ATOH8: variants seen among roughly 807,000 people sequenced by gnomAD.
ATOH8 encodes atonal bHLH transcription factor 8.
ATOH8 carries 9 observed loss-of-function variants against 21.2 expected under a neutral mutation model. The observed-to-expected ratio is 0.42, with a 90% CI of 0.26 to 0.74. The LOEUF (loss-of-function observed/expected upper bound fraction) is 0.74. Ranked by LOEUF, ATOH8 falls within the 30% of genes least tolerant of loss-of-function variation. The pLI is 0.24. For synonymous variants in ATOH8, 253 were observed against 224.0 expected (o/e 1.13, Z -1.16); for missense variants, 524 against 470.9 (o/e 1.11, Z -1.04).
chr2:85,758,784 C>T (rs546613631), intron 1 of ATOH8, among the ~76,000 whole-genome samples: 2 of 152,222 alleles, frequency 1.3e-5, no homozygotes, highest in Non-Finnish European at 2.9e-5. Flanking sequence ...CCCTCCCTGC[C>T]GCCTCATGTG....
intron 2 of ATOH8, 23 bp from the exon 3 acceptor site, chr2:85,786,862 T>C (rs1248482935): frequency 1.2e-6 from 2 of 1,613,804 alleles, no homozygotes. Flanking sequence ...GGGCAGCTTT[T>C]AATGGCTGGT....
At chr2:85,755,522 T>C (rs1679663557) in intron 1 of ATOH8, among the ~76,000 whole-genome samples, 1 of 152,134 alleles carries the variant, frequency 6.6e-6, no homozygotes, top group Non-Finnish European at 1.5e-5. Flanking sequence ...AGGGGTGGGC[T>C]CAGGAATCGG....
At chr2:85,775,190 T>G in intron 2 of ATOH8, 1 of 979,882 alleles carries the variant, frequency 1.0e-6, no homozygotes, top group Non-Finnish European at 1.2e-6. Context: ...AGTGTTGGAT[T>G]AAATGCCTGT....
chr2:85,775,953 T>G (rs1267082671), intron 2 of ATOH8, among the ~76,000 whole-genome samples: 1 of 152,174 alleles, frequency 6.6e-6, no homozygotes, highest in Non-Finnish European at 1.5e-5. Flanking sequence ...ACAAATTGGG[T>G]GTCACCAGCC....
intron 2 of ATOH8, chr2:85,780,920 C>A (rs568167522): frequency 8.1e-6 from 8 of 986,622 alleles, no homozygotes; most frequent in Admixed American, 1.2e-4. Context: ...CCAGGCCAGG[C>A]AGGCAGGAGG....
At chr2:85,758,823 C>T (rs965592866) in intron 1 of ATOH8, among the ~76,000 whole-genome samples, 8 of 152,208 alleles carry the variant, frequency 5.3e-5, no homozygotes, top group African/African-American at 1.9e-4. Flanking sequence ...CTGGCCTGGC[C>T]CCGGGAGTGG....
intron 2 of ATOH8, among the ~76,000 whole-genome samples, chr2:85,783,076 C>T (rs867652883): frequency 6.6e-5 from 10 of 152,180 alleles, no homozygotes; most frequent in South Asian, 2.1e-4. Flanking sequence ...CGTCCCTGCC[C>T]TCGTGGAGCT....
At chr2:85,772,295 G>A (rs962819693) in intron 2 of ATOH8, among the ~76,000 whole-genome samples, 8 of 152,220 alleles carry the variant, frequency 5.3e-5, no homozygotes, top group South Asian at 2.1e-4. Flanking sequence ...AGCTGGGAGC[G>A]CGCCTGGTTC....
chr2:85,775,580 T>A (rs574027896), intron 2 of ATOH8, among the ~76,000 whole-genome samples: 1 of 152,292 alleles, frequency 6.6e-6, no homozygotes, highest in East Asian at 1.9e-4. Flanking sequence ...CTTCTTTTGA[T>A]CTTTGCCTCA....
chr2:85,780,847 GC>G, intron 2 of ATOH8: 1 of 981,890 alleles, frequency 1.0e-6, no homozygotes, highest in Non-Finnish European at 1.2e-6. Flanking sequence ...CCATGTTCCC[GC>G]CCCCCGCAAA....
chr2:85,776,316 C>T (rs1680321421), intron 2 of ATOH8, among the ~76,000 whole-genome samples: 1 of 152,240 alleles, frequency 6.6e-6, no homozygotes. Flanking sequence ...AGTCTCAGCT[C>T]AACCACTCAG....
chr2:85,781,975 T>G (rs1227644671), intron 2 of ATOH8, among the ~76,000 whole-genome samples: 2 of 152,214 alleles, frequency 1.3e-5, no homozygotes, highest in Non-Finnish European at 2.9e-5. Context: ...CAGCTGACTC[T>G]GGGGCCAAGA....
At position 85,788,761 on chromosome 2, in the gene ATOH8, G is replaced by A. The variant is rs1039922716; in HGVS notation, c.*1871G>A. The stretch of plus-strand genomic sequence containing the variant: ...TGCTCAGACTCCTGGGCTGGGCTGG[G>A]GCTGGCTGCAGGGAGCCCCCCTTGC... On this transcript the variant is annotated 3_prime_UTR_variant, in exon 3 of 3. Transcript: ENST00000306279. 6.6e-6 allele frequency among the ~76,000 whole-genome samples: 1 copy of A among 152,186 alleles called. No homozygotes were observed. The highest frequency in any genetic ancestry group is 2.4e-5 in the African/African-American group (1 of 41,446).
chr2:85,770,724 C>G (rs1326625574), intron 2 of ATOH8, among the ~76,000 whole-genome samples: 2 of 152,174 alleles, frequency 1.3e-5, no homozygotes, highest in African/African-American at 4.8e-5. Context: ...CCCGGGTGGT[C>G]TCGAGGCGAG....
intron 2 of ATOH8, chr2:85,780,965 G>A: frequency 1.0e-6 from 1 of 987,762 alleles, no homozygotes; most frequent in Middle Eastern, 2.9e-4. Flanking sequence ...TTGCTTCCAG[G>A]TCCCTGGGGA....
intron 1 of ATOH8, among the ~76,000 whole-genome samples, chr2:85,759,829 G>T (rs1679812255): frequency 6.6e-6 from 1 of 152,162 alleles, no homozygotes; most frequent in African/African-American, 2.4e-5. Flanking sequence ...TGGGTCTGCA[G>T]GGTGGGCAGG....
intron 1 of ATOH8, among the ~76,000 whole-genome samples, chr2:85,755,329 G>T (rs904063758): frequency 1.3e-5 from 2 of 152,156 alleles, no homozygotes; most frequent in African/African-American, 4.8e-5. Context: ...GGAGGAAGGG[G>T]GGAGCCTTCT....
chr2:85,754,882 G>A lies in ATOH8; in HGVS notation c.693G>A (p.Arg231=). The A allele has an allele frequency of 1.2e-6, 2 of 1,611,462 alleles. No individual in the cohort carries two copies. The highest frequency in any genetic ancestry group is 1.7e-6 in the Non-Finnish European group (2 of 1,179,758). The change falls in exon 1 of 3, where the codon CGG becomes CGA. Residue 231 remains arginine, a synonymous_variant. Transcript: ENST00000306279. ...SSEIKALQQT[R]RLLANARERT... is the part of the protein sequence containing the mutation. ...AGATCAAAGCCCTGCAGCAGACCCG[G>A]AGGCTCCTGGCGAACGCCAGGGAGC...
chr2:85,760,260 T>G (rs1341116755), intron 1 of ATOH8, among the ~76,000 whole-genome samples: 1 of 152,112 alleles, frequency 6.6e-6, no homozygotes, highest in Non-Finnish European at 1.5e-5. Context: ...AGTTGGGCAG[T>G]CTGTCGGGAG....
Sources: allele counts gnomAD v4.1 joint callset (sites outside exome capture counted in the v4.1 genomes callset), GRCh38; gene constraint gnomAD v4.1.1; transcripts MANE v1.5; gene names NCBI Gene and HGNC (gene_info 2026-07-23, HGNC 2026-07-21).